The following TRIO variants were observed in gnomAD, a reference collection of about 807,000 sequenced individuals.
TRIO encodes the protein trio Rho guanine nucleotide exchange factor, also known as triple functional domain protein.
TRIO carries 58 observed loss-of-function variants against 351.9 expected under a neutral mutation model. The observed-to-expected ratio is 0.16, with a 90% CI of 0.13 to 0.21. TRIO has a LOEUF of 0.21. TRIO is among the 10% of genes least tolerant of loss of function. TRIO has a pLI of 1.00. For missense variants in TRIO, 3,201 were observed against 4,027.8 expected (o/e 0.79, Z 5.56); for synonymous variants, 1,758 against 1,595.7 (o/e 1.10, Z -2.42).
intron 1 of TRIO, among the ~76,000 whole-genome samples, chr5:14,253,801 T>G (rs1309489278): frequency 6.6e-6 from 1 of 152,200 alleles, no homozygotes. Flanking sequence ...TCTTAGCTAT[T>G]TCTCACTCTC....
intron 2 of TRIO, among the ~76,000 whole-genome samples, chr5:14,274,344 G>C (rs1345200128): frequency 6.6e-6 from 1 of 152,118 alleles, no homozygotes; most frequent in East Asian, 1.9e-4. Context: ...CATATTTCTT[G>C]CAGACTAGGA....
rs548584679 is a variant in TRIO at position 14,386,565 on chromosome 5, T to C, written c.3571-873T>C. Among the ~76,000 whole-genome samples the C allele has an allele frequency of 2.0e-5, 3 of 152,300 alleles. No individual in the cohort carries two copies. The South Asian group carries it at 6.2e-4, about 32-fold the overall frequency. ...GCTTAATGGAGAATAGCAGGTTCCA[T>C]AGAAGAGGAGTAACTCACTTATTTG... On this transcript the variant is annotated intron_variant, in intron 21 of 56. Transcript: ENST00000344204.
At chr5:14,260,585 A>C (rs911353960) in intron 1 of TRIO, among the ~76,000 whole-genome samples, 17 of 152,228 alleles carry the variant, frequency 1.1e-4, no homozygotes, top group African/African-American at 4.1e-4. Context: ...ACTGAGTTTC[A>C]TGTTAGAATC....
At chr5:14,402,717 G>A (rs1416893110) in intron 31 of TRIO, among the ~76,000 whole-genome samples, 1 of 151,974 alleles carries the variant, frequency 6.6e-6, no homozygotes, top group Admixed American at 6.6e-5. Context: ...TACAGATGGT[G>A]GCAGTGGTGT....
intron 1 of TRIO, among the ~76,000 whole-genome samples, chr5:14,258,032 C>T (rs1554042852): frequency 6.6e-6 from 1 of 151,940 alleles, no homozygotes; most frequent in Non-Finnish European, 1.5e-5. Flanking sequence ...AGGTAACTGC[C>T]CACAGTCACC....
chr5:14,413,783 G>C (rs1448799133), intron 33 of TRIO, among the ~76,000 whole-genome samples: 1 of 152,142 alleles, frequency 6.6e-6, no homozygotes, highest in African/African-American at 2.4e-5. Context: ...TAAAATAGTA[G>C]AGCACTGAAA....
chr5:14,403,251 AGGT>A (rs1339200015), intron 31 of TRIO, among the ~76,000 whole-genome samples: 2 of 104,532 alleles, frequency 1.9e-5, no homozygotes, highest in African/African-American at 7.8e-5. Context: ...GTGAGGGTAC[AGGT>A]GGTGGTGAGG....
At chr5:14,235,518 T>G (rs2152227543) in intron 1 of TRIO, among the ~76,000 whole-genome samples, 1 of 152,260 alleles carries the variant, frequency 6.6e-6, no homozygotes, top group South Asian at 2.1e-4. Context: ...AGGCATGAAG[T>G]GAGTTAATAA....
intron 1 of TRIO, among the ~76,000 whole-genome samples, chr5:14,186,653 C>T (rs1298263249): frequency 6.6e-6 from 1 of 152,056 alleles, no homozygotes; most frequent in African/African-American, 2.4e-5. Context: ...TCTTGGCTCA[C>T]TGCAGCCTCT....
chr5:14,504,531 C>T lies in TRIO; in HGVS notation c.8550C>T (p.Pro2850=). ...GCATCCTGCAGAGCCTCCAGCACCC[C>T]CTGCTTGTCGGCCTCCTCGACACCT... ...ELGILQSLQH[P]LLVGLLDTFE... is the part of the protein sequence containing the mutation. The change falls in exon 55 of 57, where the codon CCC becomes CCT. Residue 2850 remains proline, a synonymous_variant. Coordinates refer to ENST00000344204, the MANE Select transcript of TRIO (RefSeq NM_007118.4). 6.2e-7 allele frequency: 1 copy of T among 1,614,162 alleles called. No individual in the cohort carries two copies. Among genetic ancestry groups the T allele is most frequent in the Non-Finnish European group, 8.5e-7 (1 of 1,180,036 alleles).
chr5:14,509,300 C>T lies in TRIO; in HGVS notation c.*878C>T, dbSNP rs1177981183. On this transcript the variant is annotated 3_prime_UTR_variant, in exon 57 of 57. Coordinates refer to ENST00000344204, the MANE Select transcript of TRIO (RefSeq NM_007118.4). ...GTTGTGGCTTTAACATTTTATGCAA[C>T]TATTTATGAAGACCTCTGTTGTACC... 1 of 385,344 alleles carries T rather than the reference C, an allele frequency of 2.6e-6. No individual in the cohort carries two copies. Among genetic ancestry groups the T allele is most frequent in the Non-Finnish European group, 5.0e-6 (1 of 200,352 alleles). 23.9% of individuals were successfully genotyped at this position (385,344 alleles called of 1,614,324 possible).
chr5:14,258,988 T>C (rs1013079679), intron 1 of TRIO, among the ~76,000 whole-genome samples: 1 of 152,100 alleles, frequency 6.6e-6, no homozygotes, highest in Non-Finnish European at 1.5e-5. Context: ...AGTACCAACC[T>C]CCCCTGAGGT....
At chr5:14,358,120 G>T in intron 11 of TRIO, 58 bp from the exon 12 acceptor site, 1 of 1,555,670 alleles carries the variant, frequency 6.4e-7, no homozygotes, top group Non-Finnish European at 8.7e-7. Flanking sequence ...GACACCGGGC[G>T]GCCCACCTGG....
intron 1 of TRIO, among the ~76,000 whole-genome samples, chr5:14,225,653 T>G (rs940174976): frequency 1.3e-5 from 2 of 152,284 alleles, no homozygotes; most frequent in African/African-American, 4.8e-5. Flanking sequence ...GAAGGTCATC[T>G]CTCTGACACT....
In TRIO at chr5:14,447,433, T is replaced by G. The variant is rs1340696703; in HGVS notation, c.5204-13586T>G. 2.6e-5 allele frequency among the ~76,000 whole-genome samples: 4 copies of G among 152,322 alleles called. No individual in the cohort carries two copies. The East Asian group carries it at 7.7e-4, about 29-fold the overall frequency. On this transcript the variant is annotated intron_variant, in intron 34 of 56. Transcript: ENST00000344204. ...TTCCATGCTAGCATTCTGAATCTGG[T>G]ATAAATTTTTTAAAATAATAATAAA...
intron 8 of TRIO, among the ~76,000 whole-genome samples, chr5:14,312,516 A>T (rs192620464): frequency 6.6e-6 from 1 of 152,350 alleles, no homozygotes; most frequent in Admixed American, 6.5e-5. Context: ...CAAGAAAAAC[A>T]AAGAGCAGAC....
intron 1 of TRIO, among the ~76,000 whole-genome samples, chr5:14,179,913 C>T (rs1020561088): frequency 6.6e-6 from 1 of 151,698 alleles, no homozygotes; most frequent in African/African-American, 2.4e-5. Flanking sequence ...CCAACATGAC[C>T]AGTAGAAACC....
chr5:14,454,664 G>C (rs114615864), intron 34 of TRIO, among the ~76,000 whole-genome samples: 2,589 of 152,278 alleles, frequency 0.017, 62 homozygotes, highest in African/African-American at 0.06. Context: ...TGGCAGCTGG[G>C]TATGTAGTTA....
chr5:14,248,840 G>C (rs1794587239), intron 1 of TRIO, among the ~76,000 whole-genome samples: 1 of 152,212 alleles, frequency 6.6e-6, no homozygotes, highest in Non-Finnish European at 1.5e-5. Context: ...CATATTATGG[G>C]CAATGGCTCC....
Sources: allele counts gnomAD v4.1 joint callset (sites outside exome capture counted in the v4.1 genomes callset), GRCh38; gene constraint gnomAD v4.1.1; transcripts MANE v1.5; gene names NCBI Gene and HGNC (gene_info 2026-07-23, HGNC 2026-07-21).